ZFYVE16: variants seen among roughly 807,000 people sequenced by gnomAD.
ZFYVE16 encodes zinc finger FYVE-type containing 16, also known as zinc finger FYVE domain-containing protein 16.
A neutral mutation model predicts 138.1 loss-of-function variants in ZFYVE16; 89 were observed. That is an observed-to-expected ratio of 0.64 (90% CI 0.54 to 0.77). The LOEUF is 0.77. Ranked by LOEUF, ZFYVE16 falls within the 30% of genes least tolerant of loss-of-function variation. The pLI is 0.00. For missense variants in ZFYVE16, 1,793 were observed against 1,786.7 expected (o/e 1.00, Z -0.06); for synonymous variants, 596 against 618.3 (o/e 0.96, Z 0.53).
intron 18 of ZFYVE16, among the ~76,000 whole-genome samples, chr5:80,475,403 A>G (rs754865422): frequency 3.3e-5 from 5 of 152,260 alleles, no homozygotes; most frequent in Admixed American, 6.5e-5. Flanking sequence ...ACTCCAGACT[A>G]CAATGTAAAT....
intron 8 of ZFYVE16, among the ~76,000 whole-genome samples, chr5:80,449,055 C>G (rs939032817): frequency 3.9e-5 from 6 of 152,058 alleles, no homozygotes; most frequent in Non-Finnish European, 8.8e-5. Flanking sequence ...TTACATGAAC[C>G]TAGCTGTAGT....
intron 1 of ZFYVE16, among the ~76,000 whole-genome samples, chr5:80,414,347 A>G (rs1424889268): frequency 6.6e-6 from 1 of 151,856 alleles, no homozygotes; most frequent in East Asian, 1.9e-4. Context: ...CTGCCCTTTT[A>G]CAGTCATCTG....
At position 80,427,971 on chromosome 5, in the gene ZFYVE16, C is replaced by CAA. The variant is rs386404254; in HGVS notation, c.-40+450_-40+451dup. Among the ~76,000 whole-genome samples, 40 of 48,050 alleles carry CAA rather than the reference C, an allele frequency of 8.3e-4. 2 individuals are homozygous for CAA. Among genetic ancestry groups the CAA allele is most frequent in the South Asian group, 3.1e-3 (2 of 646 alleles). The allele number at this position is 48,050 out of a possible 152,430, so 31.5% of individuals were successfully genotyped here. A position where few individuals can be genotyped will look rare whatever the true frequency, so the allele number is the denominator to read the frequency against. On this transcript the variant is annotated intron_variant, in intron 2 of 18. Transcript: ENST00000505560. Reference sequence around the variant, plus strand: ...TGCGTGACAGAGCGAGACTCCATCTCAAAAAAAAAAAAAAAAAAAAAAAAA... The same window carrying CAA: ...TGCGTGACAGAGCGAGACTCCATCTCAAAAAAAAAAAAAAAAAAAAAAAAAAA...
Position 80,451,760 on chromosome 5 carries a change from GT to G in ZFYVE16, c.3607+52del, listed in dbSNP as rs780902092. 3.1e-5 allele frequency: 46 copies of G among 1,481,854 alleles called. No homozygotes were observed. The African/African-American group carries it at 6.2e-4, about 20-fold the overall frequency. The allele number at this position is 1,481,854 out of a possible 1,614,324, so 91.8% of individuals were successfully genotyped here. A position where few individuals can be genotyped will look rare whatever the true frequency, so the allele number is the denominator to read the frequency against. On this transcript the variant is annotated intron_variant, in intron 11 of 18. Transcript: ENST00000505560. ...TTGCATATTTTCAAATATACTGAAT[GT>G]AAAGACTTTCAGGGAATCATTAAAA...
At position 80,459,500 on chromosome 5, in the gene ZFYVE16, A is replaced by G; in HGVS notation, c.4024+6A>G. The G allele has an allele frequency of 6.2e-7, 1 of 1,605,222 alleles. No individual in the cohort carries two copies. ...TAAGTCCAGCATAGTTGAAGGTATG[A>G]ATTTCATTTTTAATGGTGTTTTAAT... On this transcript the variant is annotated splice_donor_region_variant and intron_variant, in intron 15 of 18. Transcript: ENST00000505560.
At chr5:80,474,532 G>T in intron 17 of ZFYVE16, 131 bp from the exon 18 acceptor site, 1 of 903,344 alleles carries the variant, frequency 1.1e-6, no homozygotes, top group Non-Finnish European at 1.6e-6. Context: ...TCAAGCTATC[G>T]ATACAGAATT....
intron 15 of ZFYVE16, among the ~76,000 whole-genome samples, chr5:80,463,363 C>A (rs1580333754): frequency 6.6e-6 from 1 of 152,198 alleles, no homozygotes; most frequent in Non-Finnish European, 1.5e-5. Flanking sequence ...GGCATGCACC[C>A]TTTGAAGCAA....
intron 2 of ZFYVE16, among the ~76,000 whole-genome samples, chr5:80,429,694 A>G (rs1165752944): frequency 6.6e-6 from 1 of 152,230 alleles, no homozygotes; most frequent in African/African-American, 2.4e-5. Context: ...AGTGTGCTAT[A>G]TTCAGGAAAC....
intron 15 of ZFYVE16, among the ~76,000 whole-genome samples, chr5:80,466,814 C>G (rs1490931767): frequency 1.3e-5 from 2 of 152,146 alleles, no homozygotes; most frequent in Non-Finnish European, 2.9e-5. Context: ...TTTCAGAACT[C>G]TGGAAATTAG....
chr5:80,408,212 G>A (rs143477949), intron 1 of ZFYVE16, 59 bp downstream of exon 1: 3,440 of 152,512 alleles, frequency 0.023, 59 homozygotes, highest in Non-Finnish European at 0.038. Context: ...GTTCCCACAG[G>A]GGGGCGGGGT....
chr5:80,436,722 A>G, intron 3 of ZFYVE16, 34 bp from the exon 4 acceptor site: 2 of 1,518,892 alleles, frequency 1.3e-6, no homozygotes, highest in Non-Finnish European at 1.8e-6. Context: ...TATTTGATTT[A>G]AGTCTCCCGA....
intron 1 of ZFYVE16, among the ~76,000 whole-genome samples, chr5:80,423,297 A>G (rs1425587434): frequency 2.0e-5 from 3 of 152,128 alleles, no homozygotes; most frequent in Non-Finnish European, 2.9e-5. Flanking sequence ...CTAAATTACC[A>G]AATTTGTGGG....
intron 15 of ZFYVE16, among the ~76,000 whole-genome samples, chr5:80,469,095 T>TC (rs1491215545): frequency 1.7e-4 from 20 of 120,130 alleles, no homozygotes; most frequent in African/African-American, 6.0e-4. Flanking sequence ...TCTTTCTCTC[T>TC]TTTTTTTTTT....
intron 5 of ZFYVE16, chr5:80,440,275 G>A (rs969554301): frequency 8.8e-7 from 1 of 1,130,888 alleles, no homozygotes; most frequent in Non-Finnish European, 1.1e-6. Context: ...CTTTTAACAG[G>A]TACCAAGTCC....
chr5:80,410,613 C>T (rs1745277620), intron 1 of ZFYVE16, among the ~76,000 whole-genome samples: 2 of 151,680 alleles, frequency 1.3e-5, no homozygotes, highest in South Asian at 2.1e-4. Context: ...GCTCTTTCGC[C>T]AGGCTGGAGT....
At chr5:80,432,753 C>G (rs1749260418) in intron 2 of ZFYVE16, among the ~76,000 whole-genome samples, 1 of 152,042 alleles carries the variant, frequency 6.6e-6, no homozygotes, top group Non-Finnish European at 1.5e-5. Context: ...AAAAAACAAA[C>G]CAACAACCCC....
At position 80,438,497 on chromosome 5, in the gene ZFYVE16, A is replaced by G. The variant is rs1750260388; in HGVS notation, c.1812A>G (p.Thr604=). Residue 604 remains threonine, a synonymous_variant, in exon 4 of 19, where the codon ACA becomes ACG. Coordinates refer to ENST00000505560, the MANE Select transcript of ZFYVE16 (RefSeq NM_001284236.3). ...IICEIVDKQN[T]IENGLSLGEK... ...GTGAAATAGTTGATAAACAAAATACAATAGAAAATGGCCTTTCTTTAGGAG... is the reference window on the plus strand; with the variant it reads ...GTGAAATAGTTGATAAACAAAATACGATAGAAAATGGCCTTTCTTTAGGAG... 6.2e-7 allele frequency: 1 copy of G among 1,613,532 alleles called. No individual in the cohort carries two copies. The highest frequency in any genetic ancestry group is 1.1e-5 in the South Asian group (1 of 91,056).
Position 80,438,239 on chromosome 5 carries a change from T to C in ZFYVE16, c.1554T>C (p.Ile518=), listed in dbSNP as rs1167509439. ...GGCAAGACTTAGATTACTTTAATAT[T>C]GATGAAGGCGCAAAAAGTGGCCCAC... ...MDGQDLDYFN[I]DEGAKSGPLI... The change falls in exon 4 of 19, where the codon ATT becomes ATC. Residue 518 remains isoleucine (I), a synonymous_variant. Coordinates refer to ENST00000505560, the MANE Select transcript of ZFYVE16 (RefSeq NM_001284236.3). 4.3e-6 allele frequency: 7 copies of C among 1,614,012 alleles called. No individual in the cohort carries two copies. Among genetic ancestry groups the C allele is most frequent in the Non-Finnish European group, 5.9e-6 (7 of 1,179,956 alleles).
In ZFYVE16 at chr5:80,478,396, T is replaced by G. The variant is rs1417071173; in HGVS notation, c.*1019T>G. ...AAATGAACTAATTACTTTTGCATAT[T>G]TTAAATTCTTTATATGGTAGTTATT... On this transcript the variant is annotated 3_prime_UTR_variant, in exon 19 of 19. Coordinates refer to ENST00000505560, the MANE Select transcript of ZFYVE16 (RefSeq NM_001284236.3). 3 of 152,160 alleles carry G rather than the reference T, an allele frequency of 2.0e-5. No individual in the cohort carries two copies. The allele number at this position is 152,160 out of a possible 1,614,324, so 9.4% of individuals were successfully genotyped here.
Sources: gnomAD v4.1 joint callset for allele counts (sites outside exome capture counted in the v4.1 genomes callset) on GRCh38, gnomAD v4.1.1 for gene constraint, MANE v1.5 for transcripts, NCBI Gene and HGNC (gene_info 2026-07-23, HGNC 2026-07-21) for gene names.